The following UBE2E2 variants were observed in gnomAD, a reference collection of about 807,000 sequenced individuals.
UBE2E2 encodes ubiquitin conjugating enzyme E2 E2, also known as ubiquitin-conjugating enzyme E2 E2.
Under a neutral mutation model 24.7 loss-of-function variants are expected in UBE2E2, and 6 were observed. That is an observed-to-expected ratio of 0.24 (90% CI 0.13 to 0.48). The LOEUF (loss-of-function observed/expected upper bound fraction) is 0.48. Among genes scored for constraint, UBE2E2 ranks in the 20% least tolerant of loss-of-function variants. UBE2E2 has a pLI of 0.99. For synonymous variants in UBE2E2, 104 were observed against 83.6 expected (o/e 1.24, Z -1.33); for missense variants, 169 against 245.0 (o/e 0.69, Z 2.07).
At chr3:23,274,846 G>A (rs1698340393) in intron 3 of UBE2E2, among the ~76,000 whole-genome samples, 1 of 152,154 alleles carries the variant, frequency 6.6e-6, no homozygotes, top group South Asian at 2.1e-4. Context: ...ATGTCAAATA[G>A]TATCCCTTTT....
intron 4 of UBE2E2, among the ~76,000 whole-genome samples, chr3:23,516,613 A>G (rs970172548): frequency 1.3e-5 from 2 of 152,186 alleles, no homozygotes; most frequent in African/African-American, 4.8e-5. Context: ...AATATTTTTA[A>G]TAGTGAAAGT....
intron 3 of UBE2E2, among the ~76,000 whole-genome samples, chr3:23,239,120 ATGAGTT>A (rs1697190254): frequency 6.6e-6 from 1 of 152,118 alleles, no homozygotes; most frequent in Non-Finnish European, 1.5e-5. Flanking sequence ...TTGAAACAGT[ATGAGTT>A]TAACATTTTC....
rs1190792993 is a variant in UBE2E2 at position 23,568,679 on chromosome 3, G to C, written c.509-21055G>C. Among the ~76,000 whole-genome samples the C allele has an allele frequency of 6.8e-5, 8 of 118,088 alleles. No individual in the cohort carries two copies. In the South Asian group the frequency reaches 2.4e-3, roughly 36 times the overall value. 77.5% of individuals were successfully genotyped at this position (118,088 alleles called of 152,430 possible). ...TGTATACATATATACGCACATATATGTATACATATATACACACATATATAT... is the reference window on the plus strand; with the variant it reads ...TGTATACATATATACGCACATATATCTATACATATATACACACATATATAT... On this transcript the variant is annotated intron_variant, in intron 5 of 5. Transcript: ENST00000396703.
rs562615132 is a variant in UBE2E2 at position 23,407,204 on chromosome 3, G to T, written c.228-92404G>T. 4.6e-5 allele frequency among the ~76,000 whole-genome samples: 7 copies of T among 151,960 alleles called. No homozygotes were observed. The South Asian group carries it at 1.5e-3, about 32-fold the overall frequency. ...ATGGCCTGGAAAAAAAAAAGGTCTT[G>T]ACCACTGTGCAGGTGAGCATCAAGC... On this transcript the variant is annotated intron_variant, in intron 3 of 5. Transcript: ENST00000396703. This position sits in a 1 kb window ranked among gnomAD's most constrained non-coding sequence, Gnocchi z 4.0.
intron 3 of UBE2E2, among the ~76,000 whole-genome samples, chr3:23,479,730 G>A (rs1008602952): frequency 6.6e-6 from 1 of 152,140 alleles, no homozygotes; most frequent in African/African-American, 2.4e-5. Context: ...GCTCCTTTTT[G>A]CAGGCAGCTT....
chr3:23,516,829 C>T (rs916227098), intron 4 of UBE2E2, among the ~76,000 whole-genome samples: 2 of 152,056 alleles, frequency 1.3e-5, no homozygotes, highest in African/African-American at 4.8e-5. Context: ...TTTACAACAT[C>T]TAGCTAAAGC....
At chr3:23,235,723 C>A (rs1372450268) in intron 3 of UBE2E2, among the ~76,000 whole-genome samples, 36 of 151,934 alleles carry the variant, frequency 2.4e-4, no homozygotes, top group Admixed American at 2.4e-3. Flanking sequence ...GTTAGGGGGA[C>A]TGTTAGAACA....
intron 4 of UBE2E2, among the ~76,000 whole-genome samples, chr3:23,524,634 G>A (rs1694950249): frequency 6.6e-6 from 1 of 152,058 alleles, no homozygotes; most frequent in Non-Finnish European, 1.5e-5. Context: ...AATAATCTAA[G>A]CCTCTTGTTT....
intron 3 of UBE2E2, among the ~76,000 whole-genome samples, chr3:23,276,573 T>A (rs1220997173): frequency 6.6e-6 from 1 of 152,126 alleles, no homozygotes; most frequent in Non-Finnish European, 1.5e-5. Flanking sequence ...TAGAGTGAGA[T>A]CCTGATGCAG....
intron 3 of UBE2E2, among the ~76,000 whole-genome samples, chr3:23,252,964 CTAAATTTTATCTTTTAA>C (rs1378977765): frequency 6.6e-6 from 1 of 152,118 alleles, no homozygotes; most frequent in East Asian, 1.9e-4. Flanking sequence ...CTGCTGTTTT[CTAAATTTTATCTTTTAA>C]TAAAGAATAT....
chr3:23,514,559 A>G (rs1255550861), intron 4 of UBE2E2, among the ~76,000 whole-genome samples: 2 of 152,136 alleles, frequency 1.3e-5, no homozygotes, highest in Non-Finnish European at 2.9e-5. Flanking sequence ...CCATAAAGGC[A>G]TCCAGTAAAC....
intron 3 of UBE2E2, among the ~76,000 whole-genome samples, chr3:23,473,386 C>T (rs919153196): frequency 6.6e-6 from 1 of 152,018 alleles, no homozygotes; most frequent in South Asian, 2.1e-4. Flanking sequence ...CACCAATCTA[C>T]CTTTAATTTT....
intron 3 of UBE2E2, among the ~76,000 whole-genome samples, chr3:23,309,510 T>G (rs1699319792): frequency 6.6e-6 from 1 of 152,204 alleles, no homozygotes; most frequent in Non-Finnish European, 1.5e-5. Flanking sequence ...TATATTGACC[T>G]AAACCTTTAT....
intron 3 of UBE2E2, among the ~76,000 whole-genome samples, chr3:23,412,673 T>TGCCTTTA (rs2125382862): frequency 6.6e-6 from 1 of 152,186 alleles, no homozygotes; most frequent in East Asian, 1.9e-4. Flanking sequence ...ACAACTCTTC[T>TGCCTTTA]TTCCTCATGC....
At chr3:23,213,671 G>T (rs570248040) in intron 2 of UBE2E2, among the ~76,000 whole-genome samples, 1 of 152,102 alleles carries the variant, frequency 6.6e-6, no homozygotes, top group Non-Finnish European at 1.5e-5. Flanking sequence ...TGTCTTAAAA[G>T]TTCTGATGAG....
intron 3 of UBE2E2, among the ~76,000 whole-genome samples, chr3:23,302,115 C>T (rs1699112987): frequency 6.6e-6 from 1 of 152,026 alleles, no homozygotes; most frequent in Admixed American, 6.6e-5. Context: ...GAGGCTTGGG[C>T]TCTCCATGAT....
At chr3:23,304,831 C>T (rs915943093) in intron 3 of UBE2E2, among the ~76,000 whole-genome samples, 4 of 151,900 alleles carry the variant, frequency 2.6e-5, no homozygotes, top group African/African-American at 9.7e-5. Context: ...GGTATGCATA[C>T]ATTTATTCAC....
chr3:23,369,347 C>T (rs1165390801), intron 3 of UBE2E2, among the ~76,000 whole-genome samples: 1 of 152,086 alleles, frequency 6.6e-6, no homozygotes, highest in Non-Finnish European at 1.5e-5. Flanking sequence ...ACTGTTTGTC[C>T]TCTAACATGT....
At chr3:23,484,328 A>G (rs1306154823) in intron 3 of UBE2E2, among the ~76,000 whole-genome samples, 1 of 152,206 alleles carries the variant, frequency 6.6e-6, no homozygotes, top group African/African-American at 2.4e-5. Flanking sequence ...ACTTGTTCAA[A>G]CCATATACTT....
Sources: allele counts gnomAD v4.1 joint callset (sites outside exome capture counted in the v4.1 genomes callset), GRCh38; gene constraint gnomAD v4.1.1; non-coding constraint Gnocchi (gnomAD v3.1); transcripts MANE v1.5; gene names NCBI Gene and HGNC (gene_info 2026-07-23, HGNC 2026-07-21).